The following PRKD3 variants were observed in gnomAD, a reference collection of about 807,000 sequenced individuals.
The protein encoded by PRKD3 is serine/threonine-protein kinase D3.
Under a neutral mutation model 99.2 loss-of-function variants are expected in PRKD3, and 47 were observed. That is an observed-to-expected ratio of 0.47 (90% confidence interval 0.38 to 0.60). The LOEUF (loss-of-function observed/expected upper bound fraction) is 0.60. Among genes scored for constraint, PRKD3 ranks in the 20% least tolerant of loss-of-function variants. The probability of loss-of-function intolerance (pLI) is 0.00; values close to 1 mark genes in which losing one functional copy is unlikely to be tolerated. For missense variants in PRKD3, 1,019 were observed against 1,088.4 expected, an observed-to-expected ratio of 0.94 and a Z score of 0.90; for synonymous variants, 392 against 355.4, an observed-to-expected ratio of 1.10 and a Z score of -1.16.
chr2:37,274,266 T>C (rs1341318934), intron 11 of PRKD3, among the ~76,000 whole-genome samples, 155 bp downstream of exon 11: 1 of 152,188 alleles, frequency 6.6e-6, no homozygotes, highest in Non-Finnish European at 1.5e-5. Flanking sequence ...TATAATTTTA[T>C]AAAAGAGTTA....
intron 5 of PRKD3, among the ~76,000 whole-genome samples, chr2:37,288,677 T>C (rs1670235705): frequency 6.6e-6 from 1 of 152,222 alleles, no homozygotes; most frequent in Non-Finnish European, 1.5e-5. Context: ...TAATGAGATC[T>C]GGGTTTAATT....
At chr2:37,274,753 AAATACACTAAAGAACCAG>A in intron 10 of PRKD3, 56 bp from the exon 11 acceptor site, 1 of 1,479,148 alleles carries the variant, frequency 6.8e-7, no homozygotes. Flanking sequence ...TTTTATTTTT[AAATACACTAAAGAACCAG>A]AGATATGCAT....
Position 37,279,832 on chromosome 2 carries a change from CTCT to C in PRKD3, c.1083_1085del (p.Glu362del). On this transcript the variant is annotated inframe_deletion, in exon 8 of 19. Transcript: ENST00000234179. ...ACATCTTATCTTCTGGGGGTGATGG[CTCT>C]TCTGTGTCATCCAAACCCCGACTAC... 1 of 1,613,758 alleles carries C rather than the reference CTCT, an allele frequency of 6.2e-7. No individual in the cohort carries two copies. Among genetic ancestry groups the C allele is most frequent in the Non-Finnish European group, 8.5e-7 (1 of 1,179,828 alleles).
intron 3 of PRKD3, 38 bp downstream of exon 3, chr2:37,293,095 G>T: frequency 6.6e-7 from 1 of 1,510,032 alleles, no homozygotes; most frequent in Non-Finnish European, 9.0e-7. Flanking sequence ...GGCTCTTTGA[G>T]GGGAAAAGGC....
intron 3 of PRKD3, among the ~76,000 whole-genome samples, chr2:37,292,823 T>A (rs895556448): frequency 4.0e-5 from 6 of 151,766 alleles, no homozygotes; most frequent in East Asian, 3.9e-4. Flanking sequence ...TTTTTTTTTT[T>A]TAAATTTTTA....
intron 5 of PRKD3, among the ~76,000 whole-genome samples, chr2:37,288,048 G>A (rs1466602877): frequency 6.6e-6 from 1 of 152,124 alleles, no homozygotes; most frequent in Non-Finnish European, 1.5e-5. Context: ...TCCCTAAGGA[G>A]CTTTCATGTT....
In PRKD3 at chr2:37,282,495, C is replaced by G. The variant is rs115908358; in HGVS notation, c.988+47G>C. On this transcript the variant is annotated intron_variant, in intron 7 of 18. Coordinates refer to ENST00000234179, the MANE Select transcript of PRKD3 (RefSeq NM_005813.6). ...ATCCAAAGATAATACACCAAAGAAT[C>G]ATGGCCTTTTCTGATCTTTCACAAA... The G allele has an allele frequency of 3.6e-3, 4,322 of 1,186,498 alleles. 9 individuals are homozygous for G. The highest frequency in any genetic ancestry group is 4.7e-3 in the Non-Finnish European group (3,769 of 796,906). The allele number at this position is 1,186,498 out of a possible 1,614,324, so 73.5% of individuals were successfully genotyped here. A position where few individuals can be genotyped will look rare whatever the true frequency, so the allele number is the denominator to read the frequency against.
chr2:37,260,461 G>C, intron 14 of PRKD3, 77 bp from the exon 15 acceptor site: 1 of 1,303,710 alleles, frequency 7.7e-7, no homozygotes, highest in Non-Finnish European at 1.1e-6. Context: ...TGCTATGATT[G>C]TCTGAAATGG....
At chr2:37,302,264 T>G (rs1670965252) in intron 2 of PRKD3, among the ~76,000 whole-genome samples, 1 of 152,188 alleles carries the variant, frequency 6.6e-6, no homozygotes, top group Non-Finnish European at 1.5e-5. Context: ...TTTTCTGGAT[T>G]TGCTTACTAC....
chr2:37,316,310 C>T lies in PRKD3; in HGVS notation c.215G>A (p.Ser72Asn). The part of the protein sequence containing the change: ...FLLQIGLTRE[S>N]VTIEAQELSL... ...CAGTTCCTGGGCTTCAATGGTAACA[C>T]TCTCCCGTGTGAGGCCAATTTGCAG... is the stretch of plus-strand genomic sequence containing the variant. Residue 72 changes from serine to asparagine, a missense_variant, in exon 2 of 19, where the codon AGT (serine) becomes AAT (asparagine). Around this residue, in one of 3 missense-constraint regions of PRKD3, gnomAD observed 710 missense variants for 692.7 expected, o/e 1.02. Coordinates refer to ENST00000234179, the MANE Select transcript of PRKD3 (RefSeq NM_005813.6). 1 of 1,614,236 alleles carries T rather than the reference C, an allele frequency of 6.2e-7. No homozygotes were observed.
intron 11 of PRKD3, among the ~76,000 whole-genome samples, chr2:37,273,703 C>T (rs1669420352): frequency 6.6e-6 from 1 of 152,114 alleles, no homozygotes; most frequent in African/African-American, 2.4e-5. Flanking sequence ...AATAAACTAC[C>T]TTTGGAAAGT....
intron 11 of PRKD3, 150 bp downstream of exon 11, chr2:37,274,270 AG>A (rs1272390432): frequency 9.7e-6 from 8 of 826,220 alleles, no homozygotes; most frequent in Non-Finnish European, 1.5e-5. Flanking sequence ...ATTTTATAAA[AG>A]AGTTAACTAA....
At chr2:37,268,854 G>C (rs1240743610) in intron 13 of PRKD3, 1 of 153,664 alleles carries the variant, frequency 6.5e-6, no homozygotes, top group East Asian at 1.9e-4. Flanking sequence ...AAGAAAACTG[G>C]CTATGAATCT....
intron 1 of PRKD3, among the ~76,000 whole-genome samples, chr2:37,321,828 C>T (rs1572712723): frequency 6.6e-6 from 1 of 152,082 alleles, no homozygotes; most frequent in Non-Finnish European, 1.5e-5. Flanking sequence ...AAGCAAGAGT[C>T]AACGATGCAA....
chr2:37,274,847 A>G (rs1264838481), intron 10 of PRKD3, 150 bp from the exon 11 acceptor site: 2 of 799,234 alleles, frequency 2.5e-6, no homozygotes, highest in Admixed American at 2.7e-5. Context: ...GTCTTATGAC[A>G]TGGCCTGTCT....
Position 37,313,695 on chromosome 2 carries a change from G to A in PRKD3, c.288+2542C>T, listed in dbSNP as rs562499245. 3.3e-5 allele frequency among the ~76,000 whole-genome samples: 5 copies of A among 152,248 alleles called. No homozygotes were observed. The South Asian group carries it at 8.3e-4, about 25-fold the overall frequency. The stretch of plus-strand genomic sequence containing the variant: ...TTATAAAAAGAATGATTAACACCAA[G>A]TATTAGTCCCTCACTTAAGACAGTC... On this transcript the variant is annotated intron_variant, in intron 2 of 18. Transcript: ENST00000234179.
At chr2:37,277,028 C>T (rs1210007728) in intron 9 of PRKD3, among the ~76,000 whole-genome samples, 2 of 152,034 alleles carry the variant, frequency 1.3e-5, no homozygotes, top group African/African-American at 4.8e-5. Flanking sequence ...CACATACACA[C>T]TGCAGTCTAT....
At chr2:37,293,719 A>G (rs992781462) in intron 2 of PRKD3, among the ~76,000 whole-genome samples, 1 of 152,230 alleles carries the variant, frequency 6.6e-6, no homozygotes, top group Non-Finnish European at 1.5e-5. Flanking sequence ...ATCCTTTAAT[A>G]AATGACACCA....
chr2:37,314,012 TAA>T (rs542801083), intron 2 of PRKD3, among the ~76,000 whole-genome samples: 30 of 152,094 alleles, frequency 2.0e-4, no homozygotes, highest in Non-Finnish European at 2.6e-4. Context: ...TTGCAAATAA[TAA>T]GAGAGCGCCA....
Sources: allele counts gnomAD v4.1 joint callset (sites outside exome capture counted in the v4.1 genomes callset), GRCh38; gene constraint gnomAD v4.1.1; regional missense constraint gnomAD v4.1.1; transcripts MANE v1.5; gene names NCBI Gene and HGNC (gene_info 2026-07-23, HGNC 2026-07-21).